Variants in PCDHGB3 observed in about 807,000 individuals in gnomAD.
PCDHGB3 encodes protocadherin gamma subfamily B, 3.
PCDHGB3 carries 40 observed loss-of-function variants against 59.2 expected under a neutral mutation model. The ratio of observed to expected loss-of-function variants is 0.68; its 90% CI spans 0.52 to 0.88. The LOEUF (loss-of-function observed/expected upper bound fraction) is 0.88, where lower values mean the gene tolerates loss of function less well. Ranked by LOEUF, PCDHGB3 falls within the 40% of genes least tolerant of loss-of-function variation. The pLI is 0.00. For synonymous variants in PCDHGB3, 581 were observed against 503.6 expected, an observed-to-expected ratio of 1.15 and a Z score of -2.06; for missense variants, 1,309 against 1,187.9, an observed-to-expected ratio of 1.10 and a Z score of -1.50.
At chr5:141,404,068 T>C (rs2094481501) in intron 1 of PCDHGB3, 3 of 1,613,782 alleles carry the variant, frequency 1.9e-6, no homozygotes, top group Non-Finnish European at 2.5e-6. Flanking sequence ...TCAATGCTCA[T>C]GACCGAGACT....
In PCDHGB3 at chr5:141,485,870, C is replaced by A. The variant is rs745737454; in HGVS notation, c.2416-8937C>A. On this transcript the variant is annotated intron_variant, in intron 1 of 3. Coordinates refer to ENST00000576222, the MANE Select transcript of PCDHGB3 (RefSeq NM_018924.5). The surrounding 1 kb of genome is among the most constrained non-coding windows in gnomAD (Gnocchi z 5.7). ...CACCGCAGAGCTCCGGGTATCCGTGCTGGACGTAAACGACAACGCCCCAGC... is the reference window on the plus strand; with the variant it reads ...CACCGCAGAGCTCCGGGTATCCGTGATGGACGTAAACGACAACGCCCCAGC... 1 of 1,614,174 alleles carries A rather than the reference C, an allele frequency of 6.2e-7. No homozygotes were observed. Among genetic ancestry groups the A allele is most frequent in the Non-Finnish European group, 8.5e-7 (1 of 1,180,032 alleles).
chr5:141,507,851 C>T (rs570052933), intron 3 of PCDHGB3, among the ~76,000 whole-genome samples: 48 of 152,322 alleles, frequency 3.2e-4, no homozygotes, highest in African/African-American at 1.1e-3. Context: ...CCTGCTCTCA[C>T]TTTCACACCC....
At chr5:141,440,472 A>C (rs913774913) in intron 1 of PCDHGB3, 6 of 152,322 alleles carry the variant, frequency 3.9e-5, no homozygotes, top group Admixed American at 3.9e-4. Flanking sequence ...ACGGTAGTTG[A>C]AAATTCTTTA....
In PCDHGB3 at chr5:141,408,415, G is replaced by A. The variant is rs554066897; in HGVS notation, c.2415+35606G>A. The A allele has an allele frequency of 1.8e-5, 29 of 1,614,074 alleles. 1 individual carries two copies. In the South Asian group the frequency reaches 2.9e-4, roughly 16 times the overall value. On this transcript the variant is annotated intron_variant, in intron 1 of 3. Coordinates refer to ENST00000576222, the MANE Select transcript of PCDHGB3 (RefSeq NM_018924.5). Reference sequence around the variant, plus strand: ...CTCGCAAGCTGCGAGTGAGCGCGGAGAAGCTGCACTTCAGCGTAGACGCGG... The same window carrying A: ...CTCGCAAGCTGCGAGTGAGCGCGGAAAAGCTGCACTTCAGCGTAGACGCGG...
At chr5:141,388,576 T>C (rs774429693) in intron 1 of PCDHGB3, 13 of 1,613,890 alleles carry the variant, frequency 8.1e-6, no homozygotes, top group South Asian at 3.3e-5. Context: ...ATACACGTTC[T>C]AGTGACTGAT....
At chr5:141,402,019 C>A (rs1354499456) in intron 1 of PCDHGB3, among the ~76,000 whole-genome samples, 1 of 152,084 alleles carries the variant, frequency 6.6e-6, no homozygotes, top group Non-Finnish European at 1.5e-5. Flanking sequence ...GCATTTGAAT[C>A]ATTGAAACAC....
chr5:141,375,378 T>G, intron 1 of PCDHGB3: 1 of 1,613,954 alleles, frequency 6.2e-7, no homozygotes, highest in Non-Finnish European at 8.5e-7. Context: ...ACACCACCTC[T>G]GTCTACAGAA....
chr5:141,370,899 C>T lies in PCDHGB3; in HGVS notation c.505C>T (p.Gln169Ter), dbSNP rs1767293695. 1.2e-6 allele frequency: 2 copies of T among 1,614,010 alleles called. No homozygotes were observed. ...DPDVGVNSLQQYYLSPDPHFS... is the reference protein window; with the variant it reads ...DPDVGVNSLQ ...TGATGTAGGTGTCAATTCGCTGCAG[C>T]AGTACTACCTCAGCCCTGATCCGCA... Residue 169 changes from glutamine to a stop codon, truncating the protein, a stop_gained, in exon 1 of 4, where the codon CAG (glutamine) becomes TAG (stop). Coordinates refer to ENST00000576222, the MANE Select transcript of PCDHGB3 (RefSeq NM_018924.5). LOFTEE classifies it high-confidence loss of function.
In PCDHGB3 at chr5:141,383,791, A is replaced by G. The variant is rs763044850; in HGVS notation, c.2415+10982A>G. 4 of 1,613,998 alleles carry G rather than the reference A, an allele frequency of 2.5e-6. No homozygotes were observed. In the South Asian group the frequency reaches 4.4e-5, roughly 18 times the overall value. On this transcript the variant is annotated intron_variant, in intron 1 of 3. Transcript: ENST00000576222. ...AAAGATGTTTCATCTGAACTCGCTT[A>G]CAGGAGAAATATCAACTTTAGAAGG...
intron 1 of PCDHGB3, among the ~76,000 whole-genome samples, chr5:141,445,953 T>C (rs550111391): frequency 2.0e-4 from 31 of 152,308 alleles, no homozygotes; most frequent in Middle Eastern, 3.4e-3. Flanking sequence ...CTCTGGCTGC[T>C]ATATGGAGAA....
At position 141,491,904 on chromosome 5, in the gene PCDHGB3, G is replaced by C; in HGVS notation, c.2416-2903G>C. The C allele has an allele frequency of 7.0e-7, 1 of 1,423,838 alleles. No individual in the cohort carries two copies. The allele number at this position is 1,423,838 out of a possible 1,614,324, so 88.2% of individuals were successfully genotyped here. ...GGATGGGGCTCCGAGCACCGGGGGT[G>C]GTGGCGACTGTGGGCGAGGGGAGGT... On this transcript the variant is annotated intron_variant, in intron 1 of 3. Coordinates refer to ENST00000576222, the MANE Select transcript of PCDHGB3 (RefSeq NM_018924.5). This position sits in a 1 kb window ranked among gnomAD's most constrained non-coding sequence, Gnocchi z 6.9.
intron 1 of PCDHGB3, among the ~76,000 whole-genome samples, chr5:141,402,517 G>A (rs2094277430): frequency 6.6e-6 from 1 of 152,024 alleles, no homozygotes; most frequent in African/African-American, 2.4e-5. Context: ...ATTAAGCAAT[G>A]GTTTGTGATT....
At chr5:141,467,099 C>T (rs2099136810) in intron 1 of PCDHGB3, among the ~76,000 whole-genome samples, 1 of 149,976 alleles carries the variant, frequency 6.7e-6, no homozygotes, top group Admixed American at 6.7e-5. Context: ...GTCACACAGG[C>T]TGGAGTACAA....
At position 141,393,231 on chromosome 5, in the gene PCDHGB3, G is replaced by A. The variant is rs1309107381; in HGVS notation, c.2415+20422G>A. On this transcript the variant is annotated intron_variant, in intron 1 of 3. Transcript: ENST00000576222. Reference sequence around the variant, plus strand: ...AAAATTCCAGGTCGAAGATCTAGAAGTAAAAATTAACGAAATCGCGGTTCC... The same window carrying A: ...AAAATTCCAGGTCGAAGATCTAGAAATAAAAATTAACGAAATCGCGGTTCC... 2.5e-6 allele frequency: 4 copies of A among 1,613,738 alleles called. 1 individual carries two copies. In the South Asian group the frequency reaches 4.4e-5, roughly 18 times the overall value.
At chr5:141,393,277 C>T (rs749579658) in intron 1 of PCDHGB3, 4 of 1,613,844 alleles carry the variant, frequency 2.5e-6, no homozygotes, top group Non-Finnish European at 3.4e-6. Flanking sequence ...TATCCACTCC[C>T]AGAAGCTGTT....
intron 1 of PCDHGB3, among the ~76,000 whole-genome samples, chr5:141,405,769 C>T (rs1363688527): frequency 2.6e-5 from 4 of 152,080 alleles, no homozygotes; most frequent in Non-Finnish European, 2.9e-5. Context: ...TGAGCCACTG[C>T]GCCTGGCCCT....
At chr5:141,387,728 C>A (rs1366349422) in intron 1 of PCDHGB3, 3 of 1,221,130 alleles carry the variant, frequency 2.5e-6, no homozygotes, top group Non-Finnish European at 2.2e-6. Flanking sequence ...TCCCCAGCGC[C>A]AGCCTTTACA....
At chr5:141,388,558 C>G in intron 1 of PCDHGB3, 1 of 1,613,910 alleles carries the variant, frequency 6.2e-7, no homozygotes, top group Non-Finnish European at 8.5e-7. Context: ...CTAAGCAGCA[C>G]TGCACAGATA....
chr5:141,389,863 TG>T, intron 1 of PCDHGB3: 2 of 1,614,064 alleles, frequency 1.2e-6, no homozygotes, highest in Non-Finnish European at 1.7e-6. Context: ...ACGTTGCACC[TG>T]GTCTTCGCCG....
Sources: gnomAD v4.1 joint callset for allele counts (sites outside exome capture counted in the v4.1 genomes callset) on GRCh38, gnomAD v4.1.1 for gene constraint, Gnocchi (gnomAD v3.1) non-coding constraint, MANE v1.5 for transcripts, NCBI Gene and HGNC (gene_info 2026-07-23, HGNC 2026-07-21) for gene names.